Variants in ERP44 observed in about 807,000 individuals in gnomAD.
ERP44 encodes endoplasmic reticulum protein 44, also known as endoplasmic reticulum resident protein 44.
A neutral mutation model predicts 53.4 loss-of-function variants in ERP44; 25 were observed. The observed-to-expected ratio is 0.47, with a 90% CI of 0.34 to 0.65. The LOEUF (loss-of-function observed/expected upper bound fraction) is 0.65, where lower values mean the gene tolerates loss of function less well. ERP44 is among the 30% of genes least tolerant of loss of function. ERP44 has a pLI of 0.01. For missense variants in ERP44, 338 were observed against 493.2 expected, an observed-to-expected ratio of 0.69 and a Z score of 2.98; for synonymous variants, 145 against 161.2, an observed-to-expected ratio of 0.90 and a Z score of 0.76.
chr9:99,990,144 A>G (rs1209552998), intron 10 of ERP44, among the ~76,000 whole-genome samples: 1 of 152,192 alleles, frequency 6.6e-6, no homozygotes, highest in Non-Finnish European at 1.5e-5. Flanking sequence ...GCAGGCCAAC[A>G]TTCAAATTCA....
intron 4 of ERP44, among the ~76,000 whole-genome samples, chr9:100,027,759 T>C (rs1442003228): frequency 2.0e-5 from 3 of 152,116 alleles, no homozygotes; most frequent in African/African-American, 7.2e-5. Context: ...CAGCAACGTC[T>C]CTCCCTGCAA....
At chr9:99,991,653 A>G (rs1830256680) in intron 10 of ERP44, among the ~76,000 whole-genome samples, 1 of 152,224 alleles carries the variant, frequency 6.6e-6, no homozygotes, top group Non-Finnish European at 1.5e-5. Context: ...AAGGCAAGAA[A>G]TAACTAAGAT....
intron 1 of ERP44, among the ~76,000 whole-genome samples, chr9:100,096,743 C>T (rs923033498): frequency 2.0e-5 from 3 of 152,018 alleles, no homozygotes; most frequent in East Asian, 3.9e-4. Context: ...CTTGGCTTTT[C>T]TTTATCTGTA....
At chr9:100,038,999 GTAAA>G (rs1237595323) in intron 4 of ERP44, among the ~76,000 whole-genome samples, 1 of 152,116 alleles carries the variant, frequency 6.6e-6, no homozygotes, top group African/African-American at 2.4e-5. Context: ...GTAATACAAT[GTAAA>G]TATATACGCA....
At chr9:100,031,626 C>A (rs996770757) in intron 4 of ERP44, among the ~76,000 whole-genome samples, 10 of 152,126 alleles carry the variant, frequency 6.6e-5, no homozygotes, top group African/African-American at 2.4e-4. Flanking sequence ...GTTCAAAACC[C>A]AGAAATACTG....
intron 10 of ERP44, among the ~76,000 whole-genome samples, chr9:99,988,699 A>G (rs532815606): frequency 1.3e-5 from 2 of 152,308 alleles, no homozygotes; most frequent in South Asian, 4.1e-4. Context: ...GATGCAGCCC[A>G]TGGAGGGCGA....
chr9:100,016,647 A>G (rs1310560084), intron 7 of ERP44, among the ~76,000 whole-genome samples: 1 of 152,174 alleles, frequency 6.6e-6, no homozygotes, highest in African/African-American at 2.4e-5. Context: ...GACTACAGGT[A>G]CATGCCACCA....
Position 99,988,371 on chromosome 9 carries a change from C to T in ERP44, c.1017-3302G>A, listed in dbSNP as rs78207045. Among the ~76,000 whole-genome samples the T allele has an allele frequency of 3.8e-3, 582 of 152,220 alleles. 7 individuals carry two copies. The highest frequency in any genetic ancestry group is 0.013 in the African/African-American group (556 of 41,534). ...GGTCATAAAGAGTTTCTCCTATGTTCGCTTCTAAGAGTTTTCTAGTTTTAT... is the reference window on the plus strand; with the variant it reads ...GGTCATAAAGAGTTTCTCCTATGTTTGCTTCTAAGAGTTTTCTAGTTTTAT... On this transcript the variant is annotated intron_variant, in intron 10 of 11. Transcript: ENST00000262455.
chr9:100,033,009 T>C (rs1202218324), intron 4 of ERP44, among the ~76,000 whole-genome samples: 1 of 152,224 alleles, frequency 6.6e-6, no homozygotes, highest in Non-Finnish European at 1.5e-5. Flanking sequence ...TCAAGGAAAC[T>C]CTTCTTTTGA....
At chr9:100,098,592 C>T (rs547492428) in intron 1 of ERP44, among the ~76,000 whole-genome samples, 192 bp downstream of exon 1, 1 of 152,362 alleles carries the variant, frequency 6.6e-6, no homozygotes, top group African/African-American at 2.4e-5. Flanking sequence ...TCCCCCGACA[C>T]TGGTTTCTCA....
At chr9:99,998,687 T>A in intron 10 of ERP44, 1 of 740,186 alleles carries the variant, frequency 1.4e-6, no homozygotes, top group Non-Finnish European at 2.5e-6. Flanking sequence ...CCTTAATCCT[T>A]ACTTCTCTGC....
At chr9:100,004,473 AG>A (rs1190542253) in intron 10 of ERP44, among the ~76,000 whole-genome samples, 1 of 152,210 alleles carries the variant, frequency 6.6e-6, no homozygotes, top group East Asian at 1.9e-4. Flanking sequence ...GCCTGGCACC[AG>A]GATGGGACTA....
At chr9:99,984,379 GAA>G (rs1185724154) in intron 11 of ERP44, among the ~76,000 whole-genome samples, 1 of 151,642 alleles carries the variant, frequency 6.6e-6, no homozygotes, top group Non-Finnish European at 1.5e-5. Flanking sequence ...ACTTGTAACA[GAA>G]GTTACAAGGT....
At chr9:100,053,204 T>C (rs1449576407) in intron 3 of ERP44, among the ~76,000 whole-genome samples, 1 of 152,142 alleles carries the variant, frequency 6.6e-6, no homozygotes, top group Admixed American at 6.5e-5. Context: ...CCCTCAAAAT[T>C]TACCCCTTGA....
intron 10 of ERP44, among the ~76,000 whole-genome samples, chr9:100,003,953 C>A (rs757664996): frequency 6.6e-6 from 1 of 152,214 alleles, no homozygotes; most frequent in Non-Finnish European, 1.5e-5. Context: ...AAACCTAGAT[C>A]TTGGGTCCTT....
chr9:99,990,614 C>A (rs532491105), intron 10 of ERP44, among the ~76,000 whole-genome samples: 7 of 152,258 alleles, frequency 4.6e-5, no homozygotes, highest in African/African-American at 1.4e-4. Flanking sequence ...AACTAATGAG[C>A]AAAATAACCA....
intron 1 of ERP44, among the ~76,000 whole-genome samples, chr9:100,098,575 C>T (rs921337991): frequency 6.6e-6 from 1 of 152,246 alleles, no homozygotes; most frequent in Non-Finnish European, 1.5e-5. Flanking sequence ...GGCTAATTCT[C>T]CCATTCTCCC....
intron 1 of ERP44, among the ~76,000 whole-genome samples, chr9:100,076,739 GA>G (rs1826361062): frequency 1.3e-5 from 2 of 152,244 alleles, no homozygotes; most frequent in Non-Finnish European, 2.9e-5. Flanking sequence ...AAATTGTGAA[GA>G]TATTTGTATC....
In ERP44 at chr9:100,060,119, C is replaced by A. The variant is rs751863467; in HGVS notation, c.111G>T (p.Glu37Asp). ...ACTTACTTAAAATTTCATCTATATTCTCTGTATCAAGACTTGTTATTTCAG... is the reference window on the plus strand; with the variant it reads ...ACTTACTTAAAATTTCATCTATATTATCTGTATCAAGACTTGTTATTTCAG... ...VTTEITSLDT[E>D]NIDEILNNAD... The change falls in exon 2 of 12, where the codon GAG (glutamate) becomes GAT (aspartate). Residue 37 changes from glutamate to aspartate, a missense_variant. By Grantham distance (45) the Glu-to-Asp change is conservative. Around this residue, in one of 3 missense-constraint regions of ERP44, gnomAD observed 224 missense variants for 301.4 expected, o/e 0.74. Coordinates refer to ENST00000262455, the MANE Select transcript of ERP44 (RefSeq NM_015051.3). The A allele has an allele frequency of 4.7e-6, 7 of 1,486,676 alleles. No individual in the cohort carries two copies. The highest frequency in any genetic ancestry group is 4.5e-6 in the Non-Finnish European group (5 of 1,119,518). The allele number at this position is 1,486,676 out of a possible 1,614,324, so 92.1% of individuals were successfully genotyped here.
Sources: allele counts gnomAD v4.1 joint callset (sites outside exome capture counted in the v4.1 genomes callset), GRCh38; gene constraint gnomAD v4.1.1; regional missense constraint gnomAD v4.1.1; transcripts MANE v1.5; gene names NCBI Gene and HGNC (gene_info 2026-07-23, HGNC 2026-07-21).